The following KCNH8 variants were observed in gnomAD, a reference collection of about 807,000 sequenced individuals.
The protein encoded by KCNH8 is potassium voltage-gated channel subfamily H member 8, also known as voltage-gated delayed rectifier potassium channel KCNH8.
In KCNH8, 70 loss-of-function variants were observed where a neutral mutation model predicts 103.6. The ratio of observed to expected loss-of-function variants is 0.68; its 90% CI spans 0.56 to 0.82. The LOEUF (loss-of-function observed/expected upper bound fraction) is 0.82. KCNH8 is among the 40% of genes least tolerant of loss of function. KCNH8 has a pLI of 0.00. For synonymous variants in KCNH8, 498 were observed against 489.4 expected (o/e 1.02, Z -0.23); for missense variants, 1,217 against 1,329.9 (o/e 0.92, Z 1.32).
chr3:19,475,544 G>A (rs957054873), intron 11 of KCNH8, among the ~76,000 whole-genome samples: 3 of 152,096 alleles, frequency 2.0e-5, no homozygotes, highest in African/African-American at 7.2e-5. Context: ...TTTCCTCACT[G>A]TTTATTTCAA....
chr3:19,322,881 A>AT (rs1445368433), intron 3 of KCNH8, among the ~76,000 whole-genome samples: 1 of 152,004 alleles, frequency 6.6e-6, no homozygotes, highest in Non-Finnish European at 1.5e-5. Flanking sequence ...GGCTTTGTTA[A>AT]TTTTTTTATT....
Position 19,534,368 on chromosome 3 carries a change from G to A in KCNH8, c.*269G>A, listed in dbSNP as rs1272907242. 8.8e-6 allele frequency: 4 copies of A among 456,944 alleles called. No homozygotes were observed. The highest frequency in any genetic ancestry group is 1.5e-5 in the Non-Finnish European group (4 of 258,396). 28.3% of individuals were successfully genotyped at this position (456,944 alleles called of 1,614,324 possible). ...TTGGTAACAATCCAAAGACCCTGAGGGTCTGAGCAGCTAGAAGTCCTAGAC... is the reference window on the plus strand; with the variant it reads ...TTGGTAACAATCCAAAGACCCTGAGAGTCTGAGCAGCTAGAAGTCCTAGAC... On this transcript the variant is annotated 3_prime_UTR_variant, in exon 16 of 16. Coordinates refer to ENST00000328405, the MANE Select transcript of KCNH8 (RefSeq NM_144633.3).
intron 11 of KCNH8, among the ~76,000 whole-genome samples, chr3:19,465,890 T>G (rs1189589533): frequency 2.0e-5 from 3 of 152,122 alleles, no homozygotes; most frequent in African/African-American, 7.2e-5. Context: ...TGCTGCAATT[T>G]TATGATAAAA....
At chr3:19,170,804 A>ATT (rs1375715096) in intron 1 of KCNH8, among the ~76,000 whole-genome samples, 9 of 103,334 alleles carry the variant, frequency 8.7e-5, no homozygotes, top group African/African-American at 4.5e-4. Flanking sequence ...ATATATATAT[A>ATT]TATATATTTT....
At chr3:19,313,168 T>G (rs2065227792) in intron 3 of KCNH8, among the ~76,000 whole-genome samples, 1 of 151,906 alleles carries the variant, frequency 6.6e-6, no homozygotes, top group Non-Finnish European at 1.5e-5. Flanking sequence ...TTCTTTATTA[T>G]GTGGTGTGTG....
intron 11 of KCNH8, among the ~76,000 whole-genome samples, chr3:19,481,550 T>C (rs1467590639): frequency 6.6e-6 from 1 of 152,216 alleles, no homozygotes; most frequent in Admixed American, 6.5e-5. Flanking sequence ...TTCTAGATGT[T>C]AGAACAAGAA....
intron 3 of KCNH8, among the ~76,000 whole-genome samples, chr3:19,284,548 TGTGTGAGG>T (rs1559458604): frequency 1.4e-5 from 2 of 146,914 alleles, no homozygotes; most frequent in Admixed American, 6.7e-5. Context: ...TGTGTGTGTG[TGTGTGAGG>T]GAGAGAGAGA....
chr3:19,509,953 ATGAGCAAAT>A (rs985852091), intron 11 of KCNH8, among the ~76,000 whole-genome samples: 1 of 152,082 alleles, frequency 6.6e-6, no homozygotes, highest in African/African-American at 2.4e-5. Flanking sequence ...ATCGAGGAAG[ATGAGCAAAT>A]TTAGCAAAAT....
At chr3:19,291,164 A>G (rs1179122705) in intron 3 of KCNH8, among the ~76,000 whole-genome samples, 1 of 152,082 alleles carries the variant, frequency 6.6e-6, no homozygotes, top group African/African-American at 2.4e-5. Context: ...CTAGCAGTCT[A>G]TCAATTTTAT....
Position 19,223,460 on chromosome 3 carries a change from A to T in KCNH8, c.77-30194A>T, listed in dbSNP as rs550097638. On this transcript the variant is annotated intron_variant, in intron 1 of 15. Transcript: ENST00000328405. Reference sequence around the variant, plus strand: ...TTGGGGACATATTACATATTTTTTTAAAATAAAGTTTATCTTTATATCATT... The same window carrying T: ...TTGGGGACATATTACATATTTTTTTTAAATAAAGTTTATCTTTATATCATT... 2.2e-3 allele frequency among the ~76,000 whole-genome samples: 339 copies of T among 152,302 alleles called. 3 individuals are homozygous for T. Among genetic ancestry groups the T allele is most frequent in the African/African-American group, 7.4e-3 (307 of 41,564 alleles).
rs76219837 is a variant in KCNH8, at chr3:19,295,091, T to C, written c.442+13762T>C. Among the ~76,000 whole-genome samples the C allele has an allele frequency of 3.4e-3, 511 of 152,260 alleles. 26 individuals carry two copies. In the East Asian group the frequency reaches 0.085, roughly 25 times the overall value. On this transcript the variant is annotated intron_variant, in intron 3 of 15. Coordinates refer to ENST00000328405, the MANE Select transcript of KCNH8 (RefSeq NM_144633.3). Reference sequence around the variant, plus strand: ...AATTCATTGAAACACCAGGCAAATATGGTATTAAGAAGATTAAGGCCAGGT... The same window carrying C: ...AATTCATTGAAACACCAGGCAAATACGGTATTAAGAAGATTAAGGCCAGGT...
intron 5 of KCNH8, among the ~76,000 whole-genome samples, chr3:19,383,380 A>ATT (rs60188168): frequency 3.4e-5 from 5 of 146,948 alleles, no homozygotes; most frequent in African/African-American, 7.5e-5. Flanking sequence ...GTGTTCGTTA[A>ATT]TTTTTTTTTT....
At chr3:19,256,860 A>G (rs933137062) in intron 2 of KCNH8, among the ~76,000 whole-genome samples, 1 of 152,088 alleles carries the variant, frequency 6.6e-6, no homozygotes, top group African/African-American at 2.4e-5. Flanking sequence ...AAGAAAACTA[A>G]TTGATCCAGT....
rs574743860 is a variant in KCNH8 at position 19,401,548 on chromosome 3, G to A, written c.1177+6237G>A. Among the ~76,000 whole-genome samples, 7 of 152,004 alleles carry A rather than the reference G, an allele frequency of 4.6e-5. No individual in the cohort carries two copies. In the South Asian group the frequency reaches 1.5e-3, roughly 32 times the overall value. On this transcript the variant is annotated intron_variant, in intron 7 of 15. Transcript: ENST00000328405. ...AAATACCATCCATTTTAAAAGTTTT[G>A]TCAATGCTCTATTCTATTTTCATAA...
intron 11 of KCNH8, 127 bp from the exon 12 acceptor site, chr3:19,510,236 C>A (rs2068760407): frequency 3.0e-6 from 2 of 670,884 alleles, no homozygotes; most frequent in Non-Finnish European, 5.5e-6. Flanking sequence ...AGATCCACAC[C>A]CCTTCCTGTG....
chr3:19,460,380 T>A, intron 11 of KCNH8, among the ~76,000 whole-genome samples: 1 of 152,160 alleles, frequency 6.6e-6, no homozygotes, highest in East Asian at 1.9e-4. Flanking sequence ...TATTTTAATC[T>A]GTTTCTTAGA....
intron 7 of KCNH8, among the ~76,000 whole-genome samples, chr3:19,404,871 C>T (rs1292027636): frequency 2.0e-5 from 3 of 151,730 alleles, no homozygotes; most frequent in East Asian, 1.9e-4. Context: ...CTTAATTATG[C>T]ATACTTATGG....
chr3:19,498,146 G>A (rs943105698), intron 11 of KCNH8, among the ~76,000 whole-genome samples: 12 of 152,092 alleles, frequency 7.9e-5, no homozygotes, highest in African/African-American at 2.2e-4. Flanking sequence ...CTTGTGAGAT[G>A]CATCTCTTGA....
intron 1 of KCNH8, among the ~76,000 whole-genome samples, chr3:19,176,298 C>A (rs2063398889): frequency 6.6e-6 from 1 of 152,052 alleles, no homozygotes; most frequent in Non-Finnish European, 1.5e-5. Context: ...AGGATAGAAA[C>A]CATTGTCTAC....
Sources: allele counts gnomAD v4.1 joint callset (sites outside exome capture counted in the v4.1 genomes callset), GRCh38; gene constraint gnomAD v4.1.1; transcripts MANE v1.5; gene names NCBI Gene and HGNC (gene_info 2026-07-23, HGNC 2026-07-21).